Variants in ABCA4 observed in about 807,000 individuals in gnomAD.
ABCA4 encodes retinal-specific phospholipid-transporting ATPase ABCA4.
Under a neutral mutation model 263.7 loss-of-function variants are expected in ABCA4, and 196 were observed. That is an observed-to-expected ratio of 0.74 (90% CI 0.66 to 0.84). The LOEUF is 0.84. ABCA4 is among the 40% of genes least tolerant of loss of function. The pLI is 0.00. For missense variants in ABCA4, 2,792 were observed against 2,855.1 expected, an observed-to-expected ratio of 0.98 and a Z score of 0.50; for synonymous variants, 1,133 against 1,094.2, an observed-to-expected ratio of 1.04 and a Z score of -0.70.
chr1:94,005,407 G>C, intron 44 of ABCA4, 34 bp downstream of exon 44: 1 of 1,613,822 alleles, frequency 6.2e-7, no homozygotes. Flanking sequence ...TAATTAACCA[G>C]ACTCCTATGT....
At chr1:94,078,399 A>T (rs1025244140) in intron 10 of ABCA4, among the ~76,000 whole-genome samples, 191 bp downstream of exon 10, 2 of 152,172 alleles carry the variant, frequency 1.3e-5, no homozygotes, top group African/African-American at 4.8e-5. Context: ...TTCAAGAAAC[A>T]TATTTCTCAT....
Position 94,031,112 on chromosome 1 carries a change from G to C in ABCA4, c.4137C>G (p.Leu1379=). 6.2e-7 allele frequency: 1 copy of C among 1,614,132 alleles called. No homozygotes were observed. The highest frequency in any genetic ancestry group is 8.5e-7 in the Non-Finnish European group (1 of 1,180,016). The part of the protein sequence containing the change: ...SHKDFLAQIV[L]PATFVFLALM... ...GAGCCAAAAACACAAAGGTAGCCGG[G>C]AGCACGATCTGTGGGAGAATAGACG... is the stretch of plus-strand genomic sequence containing the variant. The change falls in exon 28 of 50, where the codon CTC becomes CTG. Residue 1379 remains leucine (L), a synonymous_variant. Coordinates refer to ENST00000370225, the MANE Select transcript of ABCA4 (RefSeq NM_000350.3).
chr1:94,106,319 A>G (rs76126500), intron 4 of ABCA4, among the ~76,000 whole-genome samples: 3,270 of 152,280 alleles, frequency 0.021, 111 homozygotes, highest in African/African-American at 0.075. Flanking sequence ...AGCCACAGAG[A>G]AACTGTGGTT....
At chr1:94,091,847 C>T (rs1260681905) in intron 6 of ABCA4, among the ~76,000 whole-genome samples, 2 of 152,208 alleles carry the variant, frequency 1.3e-5, no homozygotes, top group African/African-American at 4.8e-5. Flanking sequence ...AGGTCCTAGG[C>T]AGCAGCCAAG....
chr1:94,085,146 T>C (rs572409540), intron 6 of ABCA4, among the ~76,000 whole-genome samples: 4 of 142,010 alleles, frequency 2.8e-5, no homozygotes, highest in African/African-American at 9.9e-5. Context: ...GCATGGTGAT[T>C]TTGTTAAAAC....
intron 6 of ABCA4, among the ~76,000 whole-genome samples, chr1:94,085,956 C>T (rs1661815228): frequency 6.6e-6 from 1 of 152,196 alleles, no homozygotes; most frequent in African/African-American, 2.4e-5. Flanking sequence ...CTCTTGCTCA[C>T]CCCTGCCCAG....
At chr1:94,058,001 C>T (rs1207438939) in intron 14 of ABCA4, among the ~76,000 whole-genome samples, 1 of 152,184 alleles carries the variant, frequency 6.6e-6, no homozygotes, top group Admixed American at 6.5e-5. Flanking sequence ...AGAAAAGAGA[C>T]CAATGAGCTG....
chr1:94,095,611 G>T (rs1352600634), intron 6 of ABCA4, among the ~76,000 whole-genome samples: 1 of 152,140 alleles, frequency 6.6e-6, no homozygotes. Flanking sequence ...CCTGCCTGAT[G>T]CTCCTTTCAG....
chr1:94,034,155 C>G (rs1041112037), intron 26 of ABCA4, among the ~76,000 whole-genome samples: 3 of 152,176 alleles, frequency 2.0e-5, no homozygotes, highest in African/African-American at 7.2e-5. Context: ...TAATTGAAAT[C>G]TGTCAGTAAC....
At chr1:94,069,126 T>C (rs1661343922) in intron 11 of ABCA4, among the ~76,000 whole-genome samples, 1 of 152,210 alleles carries the variant, frequency 6.6e-6, no homozygotes, top group Non-Finnish European at 1.5e-5. Context: ...CAGGCAGCTG[T>C]GTTCAGGACC....
intron 11 of ABCA4, among the ~76,000 whole-genome samples, chr1:94,068,042 AG>A (rs1269487255): frequency 1.3e-5 from 2 of 148,902 alleles, no homozygotes; most frequent in African/African-American, 5.2e-5. Context: ...GCTGTTTATC[AG>A]GGGAGGAAGG....
chr1:94,046,452 T>C (rs1236909879), intron 19 of ABCA4, among the ~76,000 whole-genome samples: 1 of 12,198 alleles, frequency 8.2e-5, no homozygotes, highest in Non-Finnish European at 3.6e-4. Context: ...ATGGTTACTA[T>C]CTCAAAAAAA....
intron 17 of ABCA4, 62 bp downstream of exon 17, chr1:94,051,571 A>G: frequency 7.0e-7 from 1 of 1,426,396 alleles, no homozygotes; most frequent in Non-Finnish European, 9.9e-7. Context: ...ATCCATATAC[A>G]TCTTGCACAG....
In ABCA4 at chr1:94,010,922, C is replaced by T; in HGVS notation, c.5592G>A (p.Glu1864=). 3.1e-6 allele frequency: 5 copies of T among 1,614,114 alleles called. No individual in the cohort carries two copies. Among genetic ancestry groups the T allele is most frequent in the Non-Finnish European group, 4.2e-6 (5 of 1,180,002 alleles). Residue 1864 remains glutamate (E), a synonymous_variant, in exon 40 of 50, where the codon GAG becomes GAA. Coordinates refer to ENST00000370225, the MANE Select transcript of ABCA4 (RefSeq NM_000350.3). ...CCCAGTGGAACGGATTTGCAGAGTG[C>T]TCCTCACCTGGGCATCAACAGGAAT... ...VTDVYARFGE[E]HSANPFHWDL...
Position 94,065,830 on chromosome 1 carries a change from G to T in ABCA4, c.1555-2513C>A, listed in dbSNP as rs553357089. 9.2e-5 allele frequency among the ~76,000 whole-genome samples: 14 copies of T among 152,342 alleles called. No individual in the cohort carries two copies. The South Asian group carries it at 2.9e-3, about 32-fold the overall frequency. On this transcript the variant is annotated intron_variant, in intron 11 of 49. Transcript: ENST00000370225. ...GGTATTTCTTTGGGCCCAGGCTTCAGTGACACCATGCTAATGAGATATTAA... is the reference window on the plus strand; with the variant it reads ...GGTATTTCTTTGGGCCCAGGCTTCATTGACACCATGCTAATGAGATATTAA...
rs1659528738 is a variant in ABCA4, at chr1:94,010,937, T to A, written c.5585-8A>T. 1 of 1,614,054 alleles carries A rather than the reference T, an allele frequency of 6.2e-7. No individual in the cohort carries two copies. The highest frequency in any genetic ancestry group is 8.5e-7 in the Non-Finnish European group (1 of 1,179,988). On this transcript the variant is annotated splice_polypyrimidine_tract_variant and splice_region_variant and intron_variant, in intron 39 of 49. Coordinates refer to ENST00000370225, the MANE Select transcript of ABCA4 (RefSeq NM_000350.3). ...TTGCAGAGTGCTCCTCACCTGGGCA[T>A]CAACAGGAATTGAGTCCACTTCAGC...
At chr1:94,033,235 C>T (rs1660252308) in intron 26 of ABCA4, among the ~76,000 whole-genome samples, 1 of 151,874 alleles carries the variant, frequency 6.6e-6, no homozygotes, top group Non-Finnish European at 1.5e-5. Context: ...GCCTGTACAA[C>T]ATAGGGAGAC....
intron 36 of ABCA4, chr1:94,019,284 C>A (rs1317120547): frequency 9.6e-6 from 3 of 311,694 alleles, no homozygotes; most frequent in Admixed American, 4.4e-5. Context: ...CAGACTCATG[C>A]CTGCGGTGCA....
chr1:94,094,852 A>C (rs1424835869), intron 6 of ABCA4, among the ~76,000 whole-genome samples: 2 of 152,148 alleles, frequency 1.3e-5, no homozygotes, highest in Non-Finnish European at 2.9e-5. Flanking sequence ...CGAAACTGAC[A>C]CACCATTTTT....
Sources: allele counts gnomAD v4.1 joint callset (sites outside exome capture counted in the v4.1 genomes callset), GRCh38; gene constraint gnomAD v4.1.1; transcripts MANE v1.5; gene names NCBI Gene and HGNC (gene_info 2026-07-23, HGNC 2026-07-21).